The following MGAT5 variants were observed in gnomAD, a reference collection of about 807,000 sequenced individuals.
MGAT5 encodes the protein alpha-1,6-mannosylglycoprotein 6-beta-N-acetylglucosaminyltransferase A.
MGAT5 carries 30 observed loss-of-function variants against 94.3 expected under a neutral mutation model. The observed-to-expected ratio is 0.32, with a 90% CI of 0.24 to 0.43. The LOEUF (loss-of-function observed/expected upper bound fraction) is 0.43. MGAT5 is among the 20% of genes least tolerant of loss of function. The pLI, the probability that MGAT5 is intolerant of heterozygous loss-of-function variation, is 1.00. For missense variants in MGAT5, 691 were observed against 905.5 expected (o/e 0.76, Z 3.04); for synonymous variants, 310 against 322.9 (o/e 0.96, Z 0.43).
At chr2:134,440,892 T>G (rs1207828893) in intron 14 of MGAT5, among the ~76,000 whole-genome samples, 1 of 152,246 alleles carries the variant, frequency 6.6e-6, no homozygotes, top group Non-Finnish European at 1.5e-5. Flanking sequence ...TTATCTTATT[T>G]GTATTTATTC....
At position 134,367,061 on chromosome 2, in the gene MGAT5, G is replaced by A. The variant is rs769355766; in HGVS notation, c.1380+4653G>A. Among the ~76,000 whole-genome samples the A allele has an allele frequency of 3.3e-5, 5 of 152,176 alleles. No individual in the cohort carries two copies. The East Asian group carries it at 5.8e-4, about 18-fold the overall frequency. ...AGGTGAGAGGCACAGTGTCTTCCTC[G>A]TGTCCTGCTGTCCTGGTTTATACAT... On this transcript the variant is annotated intron_variant, in intron 10 of 15. Transcript: ENST00000281923.
Position 134,369,727 on chromosome 2 carries a change from T to TTGTGTGTGTGTGTGTGTGTGTG in MGAT5, c.1380+7328_1380+7349dup, listed in dbSNP as rs10526028. Among the ~76,000 whole-genome samples the TTGTGTGTGTGTGTGTGTGTGTG allele has an allele frequency of 5.5e-3, 780 of 142,252 alleles. 10 individuals carry two copies. The highest frequency in any genetic ancestry group is 0.015 in the African/African-American group (587 of 38,120). 93.3% of individuals were successfully genotyped at this position (142,252 alleles called of 152,430 possible). On this transcript the variant is annotated intron_variant, in intron 10 of 15. Transcript: ENST00000281923. ...TGGTGATAGCTTTATGGTTTTTACA[T>TTGTGTGTGTGTGTGTGTGTGTG]TGTGTGTGTGTGTGTGTGTGTGTGT... is the stretch of plus-strand genomic sequence containing the variant.
In MGAT5 at chr2:134,367,978, C is replaced by T. The variant is rs113891055; in HGVS notation, c.1380+5570C>T. Among the ~76,000 whole-genome samples the T allele has an allele frequency of 2.2e-4, 33 of 152,346 alleles. 1 individual carries two copies. Among genetic ancestry groups the T allele is most frequent in the African/African-American group, 7.9e-4 (33 of 41,590 alleles). On this transcript the variant is annotated intron_variant, in intron 10 of 15. Transcript: ENST00000281923. ...AAGGGCAGCTATTATCTTCCTTAAC[C>T]ATCCTGGTGTGTAGATGAGGAGCTG...
In MGAT5 at chr2:134,175,608, C is replaced by T. The variant is rs147047771; in HGVS notation, c.-143+55317C>T. Among the ~76,000 whole-genome samples, 875 of 152,310 alleles carry T rather than the reference C, an allele frequency of 5.7e-3. 9 individuals carry two copies. The highest frequency in any genetic ancestry group is 0.02 in the African/African-American group (821 of 41,558). Reference sequence around the variant, plus strand: ...CCTTCCTCTTTCCTCCCTCCTCTTCCGGCTAGTTCAGGACTCCCCTGTGAT... The same window carrying T: ...CCTTCCTCTTTCCTCCCTCCTCTTCTGGCTAGTTCAGGACTCCCCTGTGAT... On this transcript the variant is annotated intron_variant, in intron 1 of 16. Coordinates refer to the MGAT5 transcript ENST00000409645.
intron 4 of MGAT5, among the ~76,000 whole-genome samples, chr2:134,328,508 C>T (rs895595772): frequency 2.0e-5 from 3 of 152,008 alleles, no homozygotes; most frequent in Admixed American, 6.6e-5. Context: ...TATTATTGAA[C>T]GGTTCCAATA....
chr2:134,252,649 A>G (rs902200573), upstream of MGAT5, among the ~76,000 whole-genome samples: 2 of 152,128 alleles, frequency 1.3e-5, no homozygotes, highest in African/African-American at 2.4e-5. Flanking sequence ...TTGGAGAACC[A>G]CTGGTCTAGA....
intron 10 of MGAT5, among the ~76,000 whole-genome samples, chr2:134,392,751 A>G (rs1477787392): frequency 3.3e-5 from 5 of 152,252 alleles, no homozygotes; most frequent in Admixed American, 2.6e-4. Flanking sequence ...TGCCTCAGCA[A>G]GGAAATTTAG....
intron 10 of MGAT5, among the ~76,000 whole-genome samples, chr2:134,401,859 T>C (rs943588679): frequency 7.9e-5 from 12 of 152,176 alleles, no homozygotes; most frequent in Admixed American, 5.2e-4. Context: ...TCACTTGAAA[T>C]GTTCCTCCTG....
intron 2 of MGAT5, among the ~76,000 whole-genome samples, chr2:134,290,895 G>A (rs1685305715): frequency 6.6e-6 from 1 of 152,230 alleles, no homozygotes; most frequent in Admixed American, 6.5e-5. Flanking sequence ...GCTATATGGA[G>A]TTGGAGGATC....
chr2:134,357,776 A>T (rs1679836390), intron 9 of MGAT5, among the ~76,000 whole-genome samples: 1 of 152,136 alleles, frequency 6.6e-6, no homozygotes. Flanking sequence ...GCCTTTTGTC[A>T]ACAATTTAGG....
At chr2:134,321,196 G>A (rs979889884) in intron 4 of MGAT5, among the ~76,000 whole-genome samples, 1 of 152,126 alleles carries the variant, frequency 6.6e-6, no homozygotes, top group African/African-American at 2.4e-5. Context: ...TCAATTAGAA[G>A]TACCTCTCCT....
intron 1 of MGAT5, among the ~76,000 whole-genome samples, chr2:134,120,950 G>C (rs1685548553): frequency 6.6e-6 from 1 of 152,008 alleles, no homozygotes; most frequent in African/African-American, 2.4e-5. Flanking sequence ...CCTGCTGCCG[G>C]GTCTGGGAGG....
intron 8 of MGAT5, among the ~76,000 whole-genome samples, chr2:134,346,763 C>T (rs1688944922): frequency 6.6e-6 from 1 of 152,164 alleles, no homozygotes; most frequent in Non-Finnish European, 1.5e-5. Flanking sequence ...AATGCCTACA[C>T]ACAACTAGTA....
chr2:134,230,154 AC>A (rs1421510452), intron 1 of MGAT5, among the ~76,000 whole-genome samples: 8 of 152,182 alleles, frequency 5.3e-5, no homozygotes, highest in Non-Finnish European at 1.0e-4. Flanking sequence ...AAACTGTTCC[AC>A]CTCAGATCAT....
chr2:134,315,118 G>A (rs1686922493), intron 2 of MGAT5, among the ~76,000 whole-genome samples: 1 of 152,156 alleles, frequency 6.6e-6, no homozygotes, highest in Admixed American at 6.5e-5. Flanking sequence ...TTGCTTGCAG[G>A]CCTTCATGCA....
At chr2:134,209,138 C>A (rs1680166410) in intron 1 of MGAT5, among the ~76,000 whole-genome samples, 1 of 85,418 alleles carries the variant, frequency 1.2e-5, no homozygotes, top group African/African-American at 4.6e-5. Flanking sequence ...ATAGAACTGG[C>A]TTATTTTTTT....
At chr2:134,413,681 A>T (rs1469102829) in intron 12 of MGAT5, among the ~76,000 whole-genome samples, 1 of 152,204 alleles carries the variant, frequency 6.6e-6, no homozygotes, top group Non-Finnish European at 1.5e-5. Context: ...TCTGGTCAGA[A>T]ATAGGTGTGT....
chr2:134,314,715 G>A (rs192690219), intron 2 of MGAT5, among the ~76,000 whole-genome samples: 1 of 152,262 alleles, frequency 6.6e-6, no homozygotes, highest in East Asian at 1.9e-4. Context: ...GGCTTTAACT[G>A]GGCAGAGGAA....
intron 10 of MGAT5, among the ~76,000 whole-genome samples, chr2:134,389,653 T>C (rs566760945): frequency 8.9e-4 from 135 of 152,318 alleles, no homozygotes; most frequent in Admixed American, 4.3e-3. Flanking sequence ...TGTGTGAAGG[T>C]GACCTGAATA....
Sources: allele counts gnomAD v4.1 joint callset (sites outside exome capture counted in the v4.1 genomes callset), GRCh38; gene constraint gnomAD v4.1.1; transcripts MANE v1.5; gene names NCBI Gene and HGNC (gene_info 2026-07-23, HGNC 2026-07-21).